Variants in MME observed in about 807,000 individuals in gnomAD.
MME encodes membrane metalloendopeptidase.
A neutral mutation model predicts 113.2 loss-of-function variants in MME; 98 were observed. The observed-to-expected ratio is 0.87, with a 90% CI of 0.74 to 1.02. MME has a LOEUF of 1.02. Among genes scored for constraint, MME ranks in the 50% least tolerant of loss-of-function variants. MME has a pLI of 0.00. For missense variants in MME, 836 were observed against 896.0 expected, an observed-to-expected ratio of 0.93 and a Z score of 0.86; for synonymous variants, 292 against 300.6, an observed-to-expected ratio of 0.97 and a Z score of 0.30.
intron 1 of MME, among the ~76,000 whole-genome samples, chr3:155,045,610 T>C (rs144990630): frequency 6.6e-6 from 1 of 152,066 alleles, no homozygotes; most frequent in Non-Finnish European, 1.5e-5. Context: ...ATCTCTTTTT[T>C]ATTCTTGATC....
chr3:155,104,362 G>A (rs921302201), intron 3 of MME, among the ~76,000 whole-genome samples: 4 of 152,098 alleles, frequency 2.6e-5, no homozygotes, highest in Non-Finnish European at 5.9e-5. Context: ...AACATATGGA[G>A]CCAAATACTG....
rs1283757790 is a variant in MME at position 155,143,534 on chromosome 3, A to ATGTGGAAGCAGCATTTGC, written c.1283_1300dup (p.Val428_Ala433dup). The ATGTGGAAGCAGCATTTGC allele has an allele frequency of 6.2e-7, 1 of 1,612,666 alleles. No homozygotes were observed. Among genetic ancestry groups the ATGTGGAAGCAGCATTTGC allele is most frequent in the Admixed American group, 1.7e-5 (1 of 59,956 alleles). ...ATGGAAAATGCTGTGGGGAGGCTTT[A>ATGTGGAAGCAGCATTTGC]TGTGGAAGCAGCATTTGCTGGAGAG... On this transcript the variant is annotated inframe_insertion, in exon 13 of 23. Coordinates refer to ENST00000360490, the MANE Select transcript of MME (RefSeq NM_007289.4).
chr3:155,116,473 TTTCAGATGTCC>T lies in MME; in HGVS notation c.359-1_368del. 6.3e-7 allele frequency: 1 copy of T among 1,594,674 alleles called. No individual in the cohort carries two copies. The highest frequency in any genetic ancestry group is 8.6e-7 in the Non-Finnish European group (1 of 1,162,624). On this transcript the variant is annotated splice_acceptor_variant and splice_polypyrimidine_tract_variant and coding_sequence_variant and intron_variant, in exon 5 of 23. Transcript: ENST00000360490. LOFTEE classifies it high-confidence loss of function. Reference sequence around the variant, plus strand: ...TTGATGCATTTTATTAAATGTCCTATTTCAGATGTCCTTCAAGAACCCAAAACTGAAGATAT... The same window carrying T: ...TTGATGCATTTTATTAAATGTCCTATTTCAAGAACCCAAAACTGAAGATAT...
At chr3:155,074,651 C>G (rs1038985618) in intron 1 of MME, among the ~76,000 whole-genome samples, 2 of 152,002 alleles carry the variant, frequency 1.3e-5, no homozygotes, top group Admixed American at 6.6e-5. Flanking sequence ...AGGCTGGTCT[C>G]GAACTCCTGA....
chr3:155,134,350 C>T (rs900505990), intron 8 of MME, among the ~76,000 whole-genome samples: 2 of 152,018 alleles, frequency 1.3e-5, no homozygotes, highest in African/African-American at 4.8e-5. Flanking sequence ...TCCTTAAATG[C>T]CCAACATTTA....
At chr3:155,140,554 C>G (rs1721001405) in intron 10 of MME, among the ~76,000 whole-genome samples, 1 of 151,346 alleles carries the variant, frequency 6.6e-6, no homozygotes, top group Admixed American at 6.6e-5. Context: ...GTAGCTGGGA[C>G]TACAGGCATG....
chr3:155,107,965 G>A (rs1717830488), intron 3 of MME, among the ~76,000 whole-genome samples: 1 of 152,170 alleles, frequency 6.6e-6, no homozygotes, highest in African/African-American at 2.4e-5. Flanking sequence ...TATGAGCAAT[G>A]GATAAACATC....
intron 8 of MME, among the ~76,000 whole-genome samples, chr3:155,119,340 G>A (rs930511751): frequency 7.3e-5 from 11 of 151,568 alleles, no homozygotes; most frequent in Non-Finnish European, 1.0e-4. Flanking sequence ...CATAGTGGAC[G>A]TTTGGATGTT....
At chr3:155,117,083 CAATTG>C in intron 7 of MME, 97 bp downstream of exon 7, 1 of 792,216 alleles carries the variant, frequency 1.3e-6, no homozygotes. Context: ...ATGCTATTTT[CAATTG>C]AATTGAATAA....
At chr3:155,054,752 G>A (rs1261866074) in intron 1 of MME, among the ~76,000 whole-genome samples, 1 of 152,218 alleles carries the variant, frequency 6.6e-6, no homozygotes, top group Non-Finnish European at 1.5e-5. Flanking sequence ...AGGAGGCGGA[G>A]GTTGCAGTGA....
At chr3:155,084,477 G>A in intron 2 of MME, 150 bp downstream of exon 2, 1 of 791,918 alleles carries the variant, frequency 1.3e-6, no homozygotes, top group East Asian at 2.7e-5. Context: ...ACATCAATAT[G>A]TCAAAATAAT....
chr3:155,083,051 G>A (rs558326605), intron 1 of MME, among the ~76,000 whole-genome samples: 1 of 152,174 alleles, frequency 6.6e-6, no homozygotes, highest in African/African-American at 2.4e-5. Context: ...TGGAAATTGT[G>A]TGTTCTAATC....
intron 8 of MME, among the ~76,000 whole-genome samples, chr3:155,126,201 T>C (rs1403860179): frequency 6.6e-6 from 1 of 152,204 alleles, no homozygotes; most frequent in Non-Finnish European, 1.5e-5. Context: ...GCAATGCAGC[T>C]GCTTTCTGTT....
chr3:155,031,652 T>C (rs1030346898), intron 1 of MME, among the ~76,000 whole-genome samples: 2 of 152,128 alleles, frequency 1.3e-5, no homozygotes, highest in African/African-American at 4.8e-5. Context: ...TGCTTTTTGT[T>C]TGTTTTGTAT....
chr3:155,060,844 A>AGAGAGAGAGAGAGAGT (rs1399331474), intron 1 of MME, among the ~76,000 whole-genome samples: 2 of 151,642 alleles, frequency 1.3e-5, no homozygotes, highest in Admixed American at 1.3e-4. Flanking sequence ...AGAGAGAGAG[A>AGAGAGAGAGAGAGAGT]GAGAGAGAGA....
At chr3:155,083,921 GCAAAA>G in intron 1 of MME, 3 of 467,452 alleles carry the variant, frequency 6.4e-6, no homozygotes, top group East Asian at 4.1e-5. Context: ...ATATACCAAA[GCAAAA>G]CAAAACAAAA....
intron 1 of MME, among the ~76,000 whole-genome samples, chr3:155,029,159 T>C (rs991748836): frequency 3.3e-5 from 5 of 152,318 alleles, no homozygotes; most frequent in East Asian, 1.9e-4. Flanking sequence ...CAATTTTTCT[T>C]ACTATTTCTT....
At chr3:155,080,758 T>A (rs1476779902) in intron 1 of MME, among the ~76,000 whole-genome samples, 1 of 152,144 alleles carries the variant, frequency 6.6e-6, no homozygotes, top group African/African-American at 2.4e-5. Context: ...CTCGATCAAG[T>A]CGATTCCTCC....
chr3:155,093,201 TATGTAGTTTTCA>T (rs1003569543), intron 3 of MME, among the ~76,000 whole-genome samples: 38 of 152,190 alleles, frequency 2.5e-4, no homozygotes, highest in African/African-American at 8.2e-4. Context: ...TAAATGATTA[TATGTAGTTTTCA>T]ATGTAGTTTT....
Sources: allele counts gnomAD v4.1 joint callset (sites outside exome capture counted in the v4.1 genomes callset), GRCh38; gene constraint gnomAD v4.1.1; transcripts MANE v1.5; gene names NCBI Gene and HGNC (gene_info 2026-07-23, HGNC 2026-07-21).